Variants in FTO observed in about 807,000 individuals in gnomAD.
FTO encodes FTO alpha-ketoglutarate dependent dioxygenase, also known as alpha-ketoglutarate-dependent dioxygenase FTO.
Under a neutral mutation model 63.9 loss-of-function variants are expected in FTO, and 47 were observed. That is an observed-to-expected ratio of 0.74 (90% CI 0.58 to 0.94). The LOEUF is 0.94. FTO is among the 40% of genes least tolerant of loss of function. The probability of loss-of-function intolerance (pLI) is 0.00; values close to 1 mark genes in which losing one functional copy is unlikely to be tolerated. For synonymous variants in FTO, 207 were observed against 224.4 expected, an observed-to-expected ratio of 0.92 and a Z score of 0.69; for missense variants, 562 against 618.1, an observed-to-expected ratio of 0.91 and a Z score of 0.96.
At chr16:54,047,066 C>T (rs2085186081) in intron 8 of FTO, among the ~76,000 whole-genome samples, 2 of 145,884 alleles carry the variant, frequency 1.4e-5, no homozygotes, top group South Asian at 4.6e-4. Flanking sequence ...GACTTCATGT[C>T]CAAAACACCA....
intron 4 of FTO, among the ~76,000 whole-genome samples, chr16:53,856,428 T>C (rs1452538344): frequency 1.3e-5 from 2 of 151,628 alleles, no homozygotes; most frequent in Admixed American, 1.3e-4. Flanking sequence ...GTGAAGGTGA[T>C]AAGAGCTTTG....
At chr16:53,717,828 TGC>T (rs2075931740) in intron 1 of FTO, among the ~76,000 whole-genome samples, 1 of 152,196 alleles carries the variant, frequency 6.6e-6, no homozygotes, top group Non-Finnish European at 1.5e-5. Context: ...CTGATTTGAA[TGC>T]TTAAATAATC....
intron 1 of FTO, among the ~76,000 whole-genome samples, chr16:53,712,039 G>A (rs2075787893): frequency 6.6e-6 from 1 of 152,208 alleles, no homozygotes; most frequent in Admixed American, 6.5e-5. Context: ...GTTACAGTGA[G>A]CTGTGATTAT....
intron 8 of FTO, chr16:53,992,678 C>G (rs1276120873): frequency 3.3e-5 from 5 of 152,068 alleles, no homozygotes; most frequent in Non-Finnish European, 7.3e-5. Flanking sequence ...GGATTGTAAC[C>G]CATTATTAGA....
At chr16:53,925,034 C>T (rs1041553241) in intron 7 of FTO, among the ~76,000 whole-genome samples, 3 of 150,122 alleles carry the variant, frequency 2.0e-5, no homozygotes, top group African/African-American at 7.4e-5. Context: ...GGGTTCTGTG[C>T]CTTTCTTCTT....
At chr16:54,103,315 C>T (rs2086679603) in intron 8 of FTO, among the ~76,000 whole-genome samples, 1 of 152,140 alleles carries the variant, frequency 6.6e-6, no homozygotes, top group Non-Finnish European at 1.5e-5. Flanking sequence ...TTCCCAGAAG[C>T]GTGAGGCCCA....
At chr16:53,988,139 A>G (rs565217081) in intron 8 of FTO, among the ~76,000 whole-genome samples, 49 of 152,368 alleles carry the variant, frequency 3.2e-4, no homozygotes, top group Admixed American at 1.9e-3. Flanking sequence ...GGAACCAGGT[A>G]ACATTTTAAG....
At chr16:53,740,721 GCTT>G (rs1334075783) in intron 1 of FTO, among the ~76,000 whole-genome samples, 1 of 152,120 alleles carries the variant, frequency 6.6e-6, no homozygotes, top group Non-Finnish European at 1.5e-5. Context: ...CAGGTCTGTG[GCTT>G]TTTCAGCACA....
intron 1 of FTO, among the ~76,000 whole-genome samples, chr16:53,709,688 G>A (rs1210459421): frequency 6.6e-6 from 1 of 152,146 alleles, no homozygotes; most frequent in Non-Finnish European, 1.5e-5. Flanking sequence ...AGAACCTAGA[G>A]CTCTCATAGA....
chr16:53,954,695 G>A (rs1424462294), intron 8 of FTO, among the ~76,000 whole-genome samples: 1 of 152,088 alleles, frequency 6.6e-6, no homozygotes, highest in Non-Finnish European at 1.5e-5. Context: ...AGCTGTGGCA[G>A]GGTTTTCACC....
At chr16:53,900,332 C>T (rs577221987) in intron 7 of FTO, among the ~76,000 whole-genome samples, 42 of 152,094 alleles carry the variant, frequency 2.8e-4, no homozygotes, top group African/African-American at 8.4e-4. Context: ...TGAAAGAACT[C>T]GATCTTTATA....
At chr16:53,956,594 AC>A (rs1410018213) in intron 8 of FTO, 1 of 152,130 alleles carries the variant, frequency 6.6e-6, no homozygotes, top group Non-Finnish European at 1.5e-5. Context: ...TTTCCCACAG[AC>A]AAGCAGAAAT....
intron 7 of FTO, among the ~76,000 whole-genome samples, chr16:53,890,427 T>C (rs2081116765): frequency 6.6e-6 from 1 of 152,158 alleles, no homozygotes; most frequent in African/African-American, 2.4e-5. Context: ...TTATTATTAT[T>C]GTGATAAGAA....
At position 54,002,214 on chromosome 16, in the gene FTO, A is replaced by G. The variant is rs2084084331; in HGVS notation, c.1364+68105A>G. 2.0e-5 allele frequency among the ~76,000 whole-genome samples: 3 copies of G among 152,170 alleles called. No individual in the cohort carries two copies. In the South Asian group the frequency reaches 6.2e-4, roughly 32 times the overall value. On this transcript the variant is annotated intron_variant, in intron 8 of 8. Transcript: ENST00000471389. ...TTAGAGGTAGAGACTGGGTCTCACCATGTTGCCCAGGCTGGTCTTCAACTC... is the reference window on the plus strand; with the variant it reads ...TTAGAGGTAGAGACTGGGTCTCACCGTGTTGCCCAGGCTGGTCTTCAACTC...
At position 53,786,739 on chromosome 16, in the gene FTO, A is replaced by T. The variant is rs778217995; in HGVS notation, c.46-23401A>T. On this transcript the variant is annotated intron_variant, in intron 1 of 8. Coordinates refer to ENST00000471389, the MANE Select transcript of FTO (RefSeq NM_001080432.3). ...TGGTACCCTGAAGCCATTAACTTTA[A>T]GCTGGTTATTCCTGACCTACTGTTT... Among the ~76,000 whole-genome samples the T allele has an allele frequency of 3.4e-4, 52 of 152,268 alleles. 1 individual carries two copies. In the Middle Eastern group the frequency reaches 0.014, roughly 40 times the overall value.
At chr16:53,781,591 G>C (rs2077590386) in intron 1 of FTO, among the ~76,000 whole-genome samples, 1 of 152,166 alleles carries the variant, frequency 6.6e-6, no homozygotes, top group Non-Finnish European at 1.5e-5. Flanking sequence ...GAATGGACAG[G>C]ATCCCTAAAG....
At chr16:54,104,477 T>A (rs1270949795) in intron 8 of FTO, among the ~76,000 whole-genome samples, 1 of 152,052 alleles carries the variant, frequency 6.6e-6, no homozygotes, top group African/African-American at 2.4e-5. Context: ...CACACCTGGA[T>A]AATTTTTATA....
chr16:53,806,883 C>T (rs532749839), intron 1 of FTO, among the ~76,000 whole-genome samples: 1 of 152,244 alleles, frequency 6.6e-6, no homozygotes, highest in South Asian at 2.1e-4. Flanking sequence ...TGACTGGTTA[C>T]CCTCTCTAAG....
At chr16:53,711,493 C>T (rs929090107) in intron 1 of FTO, 10 of 398,496 alleles carry the variant, frequency 2.5e-5, no homozygotes, top group African/African-American at 1.4e-4. Flanking sequence ...AGTTTTATCA[C>T]GGGAGGACAC....
Sources: gnomAD v4.1 joint callset for allele counts (sites outside exome capture counted in the v4.1 genomes callset) on GRCh38, gnomAD v4.1.1 for gene constraint, MANE v1.5 for transcripts, NCBI Gene and HGNC (gene_info 2026-07-23, HGNC 2026-07-21) for gene names.